ZNF385D: variants seen among roughly 807,000 people sequenced by gnomAD.
ZNF385D encodes zinc finger protein 385D.
A neutral mutation model predicts 35.8 loss-of-function variants in ZNF385D; 15 were observed. That is an observed-to-expected ratio of 0.42 (90% CI 0.28 to 0.64). The LOEUF (loss-of-function observed/expected upper bound fraction) is 0.64, where lower values mean the gene tolerates loss of function less well. ZNF385D is among the 30% of genes least tolerant of loss of function. ZNF385D has a pLI of 0.23. For synonymous variants in ZNF385D, 212 were observed against 186.8 expected (o/e 1.13, Z -1.10); for missense variants, 474 against 494.6 (o/e 0.96, Z 0.39).
At chr3:22,178,412 A>G (rs1042457136) in intron 2 of ZNF385D, among the ~76,000 whole-genome samples, 5 of 152,000 alleles carry the variant, frequency 3.3e-5, no homozygotes, top group African/African-American at 1.2e-4. Context: ...CATATCCTTC[A>G]CCCACTTGTT....
intron 3 of ZNF385D, among the ~76,000 whole-genome samples, chr3:22,145,990 T>C (rs1040999017): frequency 1.3e-5 from 2 of 152,040 alleles, no homozygotes; most frequent in Non-Finnish European, 2.9e-5. Context: ...ATGCATAGAG[T>C]CTAGGTGGTC....
intron 3 of ZNF385D, among the ~76,000 whole-genome samples, chr3:22,050,842 CT>C (rs1312306314): frequency 2.0e-5 from 3 of 152,312 alleles, no homozygotes; most frequent in Admixed American, 6.5e-5. Context: ...AATCTCTTCA[CT>C]TTTCTGACCC....
intron 4 of ZNF385D, among the ~76,000 whole-genome samples, chr3:21,468,293 T>G (rs1206865717): frequency 1.4e-5 from 2 of 147,328 alleles, no homozygotes; most frequent in Non-Finnish European, 3.0e-5. Context: ...TCCCAGCTAC[T>G]CGGGAGGCTG....
chr3:21,439,410 T>A (rs1350288472), intron 4 of ZNF385D, among the ~76,000 whole-genome samples: 1 of 151,642 alleles, frequency 6.6e-6, no homozygotes, highest in Non-Finnish European at 1.5e-5. Flanking sequence ...GTTCTTAGGA[T>A]CAGCTCTATC....
At chr3:21,890,893 T>G (rs1559728111) in intron 3 of ZNF385D, among the ~76,000 whole-genome samples, 1 of 152,140 alleles carries the variant, frequency 6.6e-6, no homozygotes, top group Non-Finnish European at 1.5e-5. Context: ...GGTTGTACGA[T>G]TTTTGTTTTT....
intron 3 of ZNF385D, among the ~76,000 whole-genome samples, chr3:22,150,044 C>T (rs918455470): frequency 1.3e-5 from 2 of 152,106 alleles, no homozygotes; most frequent in Admixed American, 1.3e-4. Flanking sequence ...TTCACATATT[C>T]GTAAGAAAAA....
At chr3:21,883,084 T>G (rs1437929211) in intron 3 of ZNF385D, among the ~76,000 whole-genome samples, 2 of 151,908 alleles carry the variant, frequency 1.3e-5, no homozygotes, top group Non-Finnish European at 2.9e-5. Context: ...CTTTAAGAAG[T>G]GTACTAAGAA....
intron 3 of ZNF385D, among the ~76,000 whole-genome samples, chr3:21,969,896 C>T (rs1474228880): frequency 1.3e-5 from 2 of 152,132 alleles, no homozygotes; most frequent in African/African-American, 2.4e-5. Context: ...AGTAAGGGAG[C>T]AGAACAAGAG....
At chr3:22,059,516 T>C (rs1206873861) in intron 3 of ZNF385D, among the ~76,000 whole-genome samples, 1 of 152,184 alleles carries the variant, frequency 6.6e-6, no homozygotes, top group East Asian at 1.9e-4. Context: ...ATCTTTCTTT[T>C]GCAAAGCCAG....
intron 3 of ZNF385D, among the ~76,000 whole-genome samples, chr3:21,982,611 C>A (rs1373577628): frequency 6.6e-6 from 1 of 152,082 alleles, no homozygotes. Flanking sequence ...TTAGGACATC[C>A]AATACTGTGT....
At chr3:21,475,643 G>A (rs554215704) in intron 4 of ZNF385D, among the ~76,000 whole-genome samples, 1 of 152,072 alleles carries the variant, frequency 6.6e-6, no homozygotes, top group South Asian at 2.1e-4. Flanking sequence ...TTTTTAATAT[G>A]AGCCAAAGAG....
chr3:22,251,493 A>C (rs970790818), intron 2 of ZNF385D, among the ~76,000 whole-genome samples: 1 of 152,080 alleles, frequency 6.6e-6, no homozygotes, highest in Non-Finnish European at 1.5e-5. Context: ...GGCTATTCAT[A>C]ATTTTACAGG....
intron 2 of ZNF385D, among the ~76,000 whole-genome samples, chr3:22,268,721 G>A (rs1701022688): frequency 6.6e-6 from 1 of 151,996 alleles, no homozygotes; most frequent in African/African-American, 2.4e-5. Context: ...CTATTGAGAG[G>A]CACGTTATGT....
intron 3 of ZNF385D, among the ~76,000 whole-genome samples, chr3:21,870,675 T>A (rs1433174751): frequency 6.6e-6 from 1 of 152,144 alleles, no homozygotes; most frequent in Non-Finnish European, 1.5e-5. Context: ...TTGGTATGCA[T>A]GATAATTTTA....
chr3:22,001,159 G>A (rs1695819958), intron 3 of ZNF385D, among the ~76,000 whole-genome samples: 1 of 152,014 alleles, frequency 6.6e-6, no homozygotes, highest in African/African-American at 2.4e-5. Flanking sequence ...TAATCGTCTT[G>A]AATATAAACA....
rs1707156737 is a variant in ZNF385D, at chr3:21,510,940, A to C, written c.360T>G (p.Ser120=). Residue 120 remains serine (S), a synonymous_variant, in exon 4 of 8, where the codon TCT becomes TCG. Coordinates refer to ENST00000281523, the MANE Select transcript of ZNF385D (RefSeq NM_024697.3). The part of the protein sequence containing the change: ...ALEAMKNKQK[S]VTAKDSAKTT... ...TCTTTGCGCTGTCCTTGGCAGTTAC[A>C]GATTTCTGCTTATTTTTCATGGCTT... 2 of 1,614,150 alleles carry C rather than the reference A, an allele frequency of 1.2e-6. No homozygotes were observed. Among genetic ancestry groups the C allele is most frequent in the Non-Finnish European group, 8.5e-7 (1 of 1,180,000 alleles).
At chr3:22,026,483 T>C (rs1433288783) in intron 3 of ZNF385D, among the ~76,000 whole-genome samples, 1 of 152,190 alleles carries the variant, frequency 6.6e-6, no homozygotes. Flanking sequence ...GGATCCAGAA[T>C]GTCACTGTGG....
chr3:21,898,122 T>C (rs1441275983), intron 3 of ZNF385D, among the ~76,000 whole-genome samples: 2 of 152,152 alleles, frequency 1.3e-5, no homozygotes, highest in Admixed American at 6.6e-5. Flanking sequence ...TTTCCATCCC[T>C]CTAGCATTTA....
chr3:22,347,847 C>G (rs1473218403), intron 2 of ZNF385D, among the ~76,000 whole-genome samples: 2 of 152,114 alleles, frequency 1.3e-5, no homozygotes, highest in Non-Finnish European at 2.9e-5. Flanking sequence ...TAAGAACATT[C>G]TAAGTTTCTT....
Sources: gnomAD v4.1 joint callset for allele counts (sites outside exome capture counted in the v4.1 genomes callset) on GRCh38, gnomAD v4.1.1 for gene constraint, MANE v1.5 for transcripts, NCBI Gene and HGNC (gene_info 2026-07-23, HGNC 2026-07-21) for gene names.